Variants in DMXL1 observed in about 807,000 individuals in gnomAD.
DMXL1 encodes the protein Dmx like 1, also known as dmX-like protein 1.
DMXL1 carries 99 observed loss-of-function variants against 319.2 expected under a neutral mutation model. The observed-to-expected ratio is 0.31, with a 90% confidence interval of 0.26 to 0.37. The LOEUF (loss-of-function observed/expected upper bound fraction) is 0.37, where lower values mean the gene tolerates loss of function less well. Among genes scored for constraint, DMXL1 ranks in the 10% least tolerant of loss-of-function variants. DMXL1 has a pLI of 1.00. For synonymous variants in DMXL1, 1,385 were observed against 1,235.2 expected (o/e 1.12, Z -2.54); for missense variants, 3,745 against 3,595.6 (o/e 1.04, Z -1.06).
intron 29 of DMXL1, among the ~76,000 whole-genome samples, chr5:119,192,928 C>G (rs1165976913): frequency 6.6e-6 from 1 of 152,120 alleles, no homozygotes; most frequent in Non-Finnish European, 1.5e-5. Flanking sequence ...AAGAGTCATT[C>G]ATTTTTCCTC....
At chr5:119,220,067 A>G (rs964671834) in intron 35 of DMXL1, among the ~76,000 whole-genome samples, 4 of 151,498 alleles carry the variant, frequency 2.6e-5, no homozygotes, top group African/African-American at 9.7e-5. Flanking sequence ...GTTTTATTTA[A>G]ATAATTAATA....
chr5:119,173,572 G>C (rs1300364858), intron 25 of DMXL1, among the ~76,000 whole-genome samples: 1 of 150,982 alleles, frequency 6.6e-6, no homozygotes, highest in Non-Finnish European at 1.5e-5. Flanking sequence ...CATGTTGACA[G>C]CACTGACAGG....
chr5:119,189,174 A>C (rs1030738016), intron 28 of DMXL1, among the ~76,000 whole-genome samples: 9 of 152,192 alleles, frequency 5.9e-5, no homozygotes, highest in African/African-American at 2.2e-4. Context: ...TTGTAATTCC[A>C]TTGACTGGAA....
chr5:119,142,542 G>T (rs1382154274), intron 13 of DMXL1, among the ~76,000 whole-genome samples: 1 of 148,912 alleles, frequency 6.7e-6, no homozygotes, highest in Admixed American at 6.7e-5. Flanking sequence ...AAAAAAAGAT[G>T]CTGATGAGGT....
intron 1 of DMXL1, among the ~76,000 whole-genome samples, chr5:119,075,704 T>C (rs1417142834): frequency 1.3e-5 from 2 of 151,378 alleles, no homozygotes; most frequent in African/African-American, 4.9e-5. Flanking sequence ...GATCTTAGTA[T>C]GTGAGAAATC....
chr5:119,243,989 G>A (rs548576674), intron 42 of DMXL1, among the ~76,000 whole-genome samples: 1 of 152,320 alleles, frequency 6.6e-6, no homozygotes, highest in South Asian at 2.1e-4. Flanking sequence ...TGGTTAAACA[G>A]GACCAAAGCA....
chr5:119,244,849 C>T (rs1185803899), intron 43 of DMXL1, among the ~76,000 whole-genome samples: 1 of 152,148 alleles, frequency 6.6e-6, no homozygotes, highest in Non-Finnish European at 1.5e-5. Flanking sequence ...TTTGTCTTGA[C>T]TCCATGTTCA....
At chr5:119,169,589 T>C (rs1774144748) in intron 23 of DMXL1, among the ~76,000 whole-genome samples, 1 of 152,052 alleles carries the variant, frequency 6.6e-6, no homozygotes, top group Non-Finnish European at 1.5e-5. Flanking sequence ...GTGGTTTGGG[T>C]CAAGGGCACA....
chr5:119,147,796 C>T (rs758707223), intron 17 of DMXL1, among the ~76,000 whole-genome samples: 6 of 152,114 alleles, frequency 3.9e-5, no homozygotes, highest in Non-Finnish European at 8.8e-5. Context: ...GCAATAGCTG[C>T]CTGGAGCCAT....
chr5:119,072,133 A>G (rs1749737588), intron 1 of DMXL1, among the ~76,000 whole-genome samples: 1 of 152,168 alleles, frequency 6.6e-6, no homozygotes, highest in Non-Finnish European at 1.5e-5. Context: ...AGCCTTGAGA[A>G]CAGTGTTTTT....
intron 8 of DMXL1, among the ~76,000 whole-genome samples, chr5:119,120,006 G>A (rs1269680413): frequency 6.6e-6 from 1 of 151,724 alleles, no homozygotes; most frequent in African/African-American, 2.4e-5. Flanking sequence ...TCAGCCTCCC[G>A]AGTAGCTGGG....
chr5:119,147,163 G>T lies in DMXL1; in HGVS notation c.2690-86G>T. On this transcript the variant is annotated intron_variant, in intron 16 of 43. Transcript: ENST00000539542. The stretch of plus-strand genomic sequence containing the variant: ...TGTTTACTATTTTATCTTTTACAAG[G>T]CAGTTTTGGATTGTAAAATGTAACA... 7.3e-6 allele frequency: 9 copies of T among 1,226,372 alleles called. No individual in the cohort carries two copies. The South Asian group carries it at 1.3e-4, about 17-fold the overall frequency. 76.0% of individuals were successfully genotyped at this position (1,226,372 alleles called of 1,614,324 possible).
In DMXL1 at chr5:119,247,413, A is replaced by T. The variant is rs765612845; in HGVS notation, c.*194A>T. On this transcript the variant is annotated 3_prime_UTR_variant, in exon 44 of 44. Coordinates refer to ENST00000539542, the MANE Select transcript of DMXL1 (RefSeq NM_001290321.3). The stretch of plus-strand genomic sequence containing the variant: ...CATTCAGAAGTAGATTACATTGCCT[A>T]AAGTAGAATGTGTAAGTAATGCTGT... The T allele has an allele frequency of 4.1e-6, 2 of 490,350 alleles. No homozygotes were observed. Among genetic ancestry groups the T allele is most frequent in the Non-Finnish European group, 7.3e-6 (2 of 273,064 alleles). The allele number at this position is 490,350 out of a possible 1,614,324, so 30.4% of individuals were successfully genotyped here. A position where few individuals can be genotyped will look rare whatever the true frequency, so the allele number is the denominator to read the frequency against.
Position 119,146,947 on chromosome 5 carries a change from G to T in DMXL1, c.2680G>T (p.Val894Phe). 6.2e-7 allele frequency: 1 copy of T among 1,612,192 alleles called. No individual in the cohort carries two copies. Among genetic ancestry groups the T allele is most frequent in the Non-Finnish European group, 8.5e-7 (1 of 1,179,062 alleles). Residue 894 changes from valine (V) to phenylalanine (F), a missense_variant, in exon 16 of 44, where the codon GTC becomes TTC. Physicochemically the swap from Val to Phe is conservative, Grantham distance 50. Around this residue, in one of 4 missense-constraint regions of DMXL1, gnomAD observed 2,096 missense variants for 1,985.4 expected, o/e 1.06. Coordinates refer to ENST00000539542, the MANE Select transcript of DMXL1 (RefSeq NM_001290321.3). ...GAATTTACATCTAAAGTCAATTCCT[G>T]TCTCATTAGGTGAGTCTTTTGTGTG... ...MWNLHLKSIP[V>F]SLDEKVDTKL...
rs528594887 is a variant in DMXL1 at position 119,149,183 on chromosome 5, A to T, written c.3356A>T (p.Tyr1119Phe). The T allele has an allele frequency of 1.2e-6, 2 of 1,613,770 alleles. No individual in the cohort carries two copies. Among genetic ancestry groups the T allele is most frequent in the Non-Finnish European group, 1.7e-6 (2 of 1,179,836 alleles). ...GISVDSNLVA[Y>F]NKQDMYLSSK... ...AGTGTTGATAGCAATTTAGTGGCCTATAATAAACAAGACATGTATTTATCT... is the reference window on the plus strand; with the variant it reads ...AGTGTTGATAGCAATTTAGTGGCCTTTAATAAACAAGACATGTATTTATCT... Residue 1119 changes from tyrosine (Y) to phenylalanine (F), a missense_variant, in exon 18 of 44, where the codon TAT becomes TTT. Coordinates refer to ENST00000539542, the MANE Select transcript of DMXL1 (RefSeq NM_001290321.3).
Position 119,133,333 on chromosome 5 carries a change from G to A in DMXL1, c.1517G>A (p.Trp506Ter). 1 of 1,613,874 alleles carries A rather than the reference G, an allele frequency of 6.2e-7. No individual in the cohort carries two copies. Among genetic ancestry groups the A allele is most frequent in the Non-Finnish European group, 8.5e-7 (1 of 1,179,828 alleles). The change falls in exon 11 of 44, where the codon TGG becomes TAG. Residue 506 changes from tryptophan (W) to a stop codon, truncating the protein, a stop_gained. Transcript: ENST00000539542. LOFTEE classifies it high-confidence loss of function. ...IHPMDGSLLV[W>*]HVDWLDEYQP... ...CCCATGGATGGTTCTTTGCTAGTTTGGCATGTGGATTGGCTGGATGAATAC... is the reference window on the plus strand; with the variant it reads ...CCCATGGATGGTTCTTTGCTAGTTTAGCATGTGGATTGGCTGGATGAATAC...
intron 1 of DMXL1, among the ~76,000 whole-genome samples, chr5:119,078,250 G>T (rs1751432129): frequency 6.6e-6 from 1 of 152,204 alleles, no homozygotes; most frequent in East Asian, 1.9e-4. Flanking sequence ...AAGTAGCTGG[G>T]ACTACAAGCC....
chr5:119,177,325 T>C (rs1477243196), intron 26 of DMXL1, 32 bp from the exon 27 acceptor site: 1 of 1,376,284 alleles, frequency 7.3e-7, no homozygotes, highest in Non-Finnish European at 9.7e-7. Flanking sequence ...ATAAAATTTA[T>C]CATAGATTTA....
Position 119,089,299 on chromosome 5 carries a change from T to TATATATGCA in DMXL1, c.88-8680_88-8679insATATATGCA, listed in dbSNP as rs1561549898. On this transcript the variant is annotated intron_variant, in intron 1 of 43. Transcript: ENST00000539542. ...ATACATATATATATATATATTTTTT[T>TATATATGCA]TTTTTTTTTTTTTTTTTTTTTTTTG... 7.1e-5 allele frequency among the ~76,000 whole-genome samples: 6 copies of TATATATGCA among 84,734 alleles called. 1 individual carries two copies. Among genetic ancestry groups the TATATATGCA allele is most frequent in the African/African-American group, 2.8e-4 (6 of 21,782 alleles). The allele number at this position is 84,734 out of a possible 152,430, so 55.6% of individuals were successfully genotyped here.
Sources: allele counts gnomAD v4.1 joint callset (sites outside exome capture counted in the v4.1 genomes callset), GRCh38; gene constraint gnomAD v4.1.1; regional missense constraint gnomAD v4.1.1; transcripts MANE v1.5; gene names NCBI Gene and HGNC (gene_info 2026-07-23, HGNC 2026-07-21).